RTF1: variants seen among roughly 807,000 people sequenced by gnomAD.
RTF1 encodes the protein RNA polymerase-associated protein RTF1 homolog.
A neutral mutation model predicts 95.7 loss-of-function variants in RTF1; 10 were observed. The ratio of observed to expected loss-of-function variants is 0.10; its 90% CI spans 0.06 to 0.18. RTF1 has a LOEUF of 0.18. RTF1 is among the 10% of genes least tolerant of loss of function. The pLI is 1.00. For missense variants in RTF1, 458 were observed against 875.6 expected (o/e 0.52, Z 6.02); for synonymous variants, 305 against 311.8 (o/e 0.98, Z 0.23).
chr15:41,473,421 CA>C (rs1029499308), intron 8 of RTF1, among the ~76,000 whole-genome samples: 40 of 151,260 alleles, frequency 2.6e-4, no homozygotes, highest in African/African-American at 9.0e-4. Context: ...TGTGAGCCAC[CA>C]CGCCCGGCCC....
rs762980213 is a variant in RTF1, at chr15:41,476,466, G to A, written c.1503G>A (p.Arg501=). 50 of 1,613,696 alleles carry A rather than the reference G, an allele frequency of 3.1e-5. No individual in the cohort carries two copies. The East Asian group carries it at 1.1e-3, about 36-fold the overall frequency. ...TACAGATTGTAAAAGAGAAAGAAAG[G>A]TTCAGAAAAGCTCCACCCAACTACG... ...DIEEIVKEKE[R]FRKAPPNYAM... Residue 501 remains arginine, a synonymous_variant, in exon 12 of 18, where the codon AGG becomes AGA. Coordinates refer to ENST00000389629, the MANE Select transcript of RTF1 (RefSeq NM_015138.5).
Position 41,464,845 on chromosome 15 carries a change from A to G in RTF1, c.737A>G (p.Glu246Gly), listed in dbSNP as rs1436055002. The change falls in exon 5 of 18, where the codon GAG becomes GGG. Residue 246 changes from glutamate to glycine, a missense_variant. Glu to Gly is a moderately conservative substitution (Grantham distance 98, BLOSUM62 -2). This residue lies in a region of RTF1 where 39 missense variants were observed against 43.8 expected (regional missense o/e 0.89). Coordinates refer to ENST00000389629, the MANE Select transcript of RTF1 (RefSeq NM_015138.5). The part of the protein sequence containing the change: ...KKEKKKKQEE[E>G]QEKKKLTQIQ... Reference sequence around the variant, plus strand: ...GAAAAGAAGAAAAAGCAAGAAGAGGAGCAAGAAAAGAAAAAACTGACACAG... The same window carrying G: ...GAAAAGAAGAAAAAGCAAGAAGAGGGGCAAGAAAAGAAAAAACTGACACAG... The G allele has an allele frequency of 1.3e-6, 2 of 1,542,988 alleles. No individual in the cohort carries two copies. The highest frequency in any genetic ancestry group is 1.4e-5 in the African/African-American group (1 of 71,938).
intron 1 of RTF1, among the ~76,000 whole-genome samples, chr15:41,426,589 G>A (rs1466909244): frequency 3.4e-5 from 5 of 145,532 alleles, no homozygotes; most frequent in Non-Finnish European, 7.5e-5. Context: ...ACAAGCGTGA[G>A]CCACTGTGCC....
chr15:41,427,386 C>G (rs923185758), intron 1 of RTF1, among the ~76,000 whole-genome samples: 1 of 151,814 alleles, frequency 6.6e-6, no homozygotes, highest in Non-Finnish European at 1.5e-5. Context: ...CTCCTGACCT[C>G]GTGATCCACC....
rs908535195 is a variant in RTF1, at chr15:41,481,545, C to T, written c.*858C>T. The T allele has an allele frequency of 2.6e-5, 4 of 152,618 alleles. No homozygotes were observed. Among genetic ancestry groups the T allele is most frequent in the Admixed American group, 6.5e-5 (1 of 15,278 alleles). The allele number at this position is 152,618 out of a possible 1,614,324, so 9.5% of individuals were successfully genotyped here. On this transcript the variant is annotated 3_prime_UTR_variant, in exon 18 of 18. Coordinates refer to ENST00000389629, the MANE Select transcript of RTF1 (RefSeq NM_015138.5). ...AAAACTCCCCAGTTTAGCCCCCTGACCTGCAGGCTGTGTCCTGGCAGGTGT... is the reference window on the plus strand; with the variant it reads ...AAAACTCCCCAGTTTAGCCCCCTGATCTGCAGGCTGTGTCCTGGCAGGTGT...
At chr15:41,470,430 G>A in intron 7 of RTF1, 38 bp downstream of exon 7, 2 of 1,603,250 alleles carry the variant, frequency 1.2e-6, no homozygotes, top group Non-Finnish European at 1.7e-6. Context: ...AGGCAGGATA[G>A]GTGGGTTTTT....
chr15:41,430,656 G>C (rs898926339), intron 1 of RTF1, among the ~76,000 whole-genome samples: 1 of 151,490 alleles, frequency 6.6e-6, no homozygotes, highest in South Asian at 2.1e-4. Context: ...TGGGAGAATC[G>C]CTTGAACCTG....
intron 8 of RTF1, among the ~76,000 whole-genome samples, 185 bp downstream of exon 8, chr15:41,471,534 G>A (rs2050911667): frequency 6.6e-6 from 1 of 152,184 alleles, no homozygotes; most frequent in African/African-American, 2.4e-5. Context: ...GCCAAGAGGA[G>A]GACTTGGAGC....
rs1377707346 is a variant in RTF1 at position 41,440,521 on chromosome 15, C to T, written c.309+2090C>T. 7.6e-5 allele frequency among the ~76,000 whole-genome samples: 10 copies of T among 130,776 alleles called. No individual in the cohort carries two copies. In the East Asian group the frequency reaches 1.5e-3, roughly 20 times the overall value. 85.8% of individuals were successfully genotyped at this position (130,776 alleles called of 152,430 possible). A position where few individuals can be genotyped will look rare whatever the true frequency, so the allele number is the denominator to read the frequency against. On this transcript the variant is annotated intron_variant, in intron 2 of 17. Transcript: ENST00000389629. ...TTTTTTTTTTTTTGAGACAGAGTCT[C>T]GCTCTGTTGCCAGGCTGGAGTGCAG...
chr15:41,428,428 C>T (rs1393823679), intron 1 of RTF1, among the ~76,000 whole-genome samples: 9 of 151,080 alleles, frequency 6.0e-5, no homozygotes, highest in African/African-American at 1.7e-4. Flanking sequence ...CCACTACACC[C>T]GGCTAATTTT....
rs765782248 is a variant in RTF1 at position 41,453,012 on chromosome 15, A to G, written c.421A>G (p.Lys141Glu). 6.2e-7 allele frequency: 1 copy of G among 1,610,804 alleles called. No individual in the cohort carries two copies. Residue 141 changes from lysine (K) to glutamate (E), a missense_variant, in exon 3 of 18, where the codon AAA becomes GAA. Lys to Glu is a moderately conservative substitution (Grantham distance 56). Coordinates refer to ENST00000389629, the MANE Select transcript of RTF1 (RefSeq NM_015138.5). The stretch of plus-strand genomic sequence containing the variant: ...AACTGCCTCCTCAGGCAGTTCAGAC[A>G]AAGACAGTTCAGCTGAGAGCTCAGC... ...NKTASSGSSD[K>E]DSSAESSAPE... is the part of the protein sequence containing the mutation.
At chr15:41,463,517 G>A (rs947670556) in intron 4 of RTF1, among the ~76,000 whole-genome samples, 11 of 151,988 alleles carry the variant, frequency 7.2e-5, no homozygotes, top group Admixed American at 2.0e-4. Context: ...TCACTCTGTC[G>A]CCCAGGCTAG....
intron 1 of RTF1, among the ~76,000 whole-genome samples, chr15:41,422,934 C>T (rs1247104309): frequency 2.0e-5 from 3 of 152,090 alleles, no homozygotes; most frequent in Non-Finnish European, 1.5e-5. Flanking sequence ...CCACCACGTC[C>T]AGCTAATTTT....
chr15:41,457,624 C>A, intron 3 of RTF1, 48 bp from the exon 4 acceptor site: 1 of 1,552,692 alleles, frequency 6.4e-7, no homozygotes, highest in Non-Finnish European at 8.9e-7. Flanking sequence ...CGCTTGTGGC[C>A]TGTCTTCTGT....
intron 1 of RTF1, among the ~76,000 whole-genome samples, chr15:41,420,759 C>G (rs1242705040): frequency 1.3e-5 from 2 of 152,082 alleles, no homozygotes; most frequent in East Asian, 3.9e-4. Context: ...GGGCAGACCT[C>G]TGTGTCAGAA....
chr15:41,430,583 T>C (rs564681364), intron 1 of RTF1, among the ~76,000 whole-genome samples: 18 of 151,496 alleles, frequency 1.2e-4, no homozygotes, highest in Non-Finnish European at 2.2e-4. Context: ...CTACTAATAA[T>C]ACAAAATATT....
chr15:41,428,314 C>T (rs542809926), intron 1 of RTF1, among the ~76,000 whole-genome samples: 1 of 121,376 alleles, frequency 8.2e-6, no homozygotes, highest in African/African-American at 3.3e-5. Flanking sequence ...GTTGCCCAGG[C>T]TGGAGTGCAA....
In RTF1 at chr15:41,479,256, C is replaced by T. The variant is rs2050957929; in HGVS notation, c.1914+58C>T. On this transcript the variant is annotated intron_variant, in intron 16 of 17. Coordinates refer to ENST00000389629, the MANE Select transcript of RTF1 (RefSeq NM_015138.5). ...TGAGGCTGCTGGCTGAGATACCGAA[C>T]AAGTACCTTGTCTAGTTTGGGCTTG... 2.5e-6 allele frequency: 3 copies of T among 1,211,856 alleles called. No individual in the cohort carries two copies. The South Asian group carries it at 3.7e-5, about 15-fold the overall frequency. The allele number at this position is 1,211,856 out of a possible 1,614,324, so 75.1% of individuals were successfully genotyped here.
intron 1 of RTF1, 46 bp from the exon 2 acceptor site, chr15:41,438,275 C>A: frequency 7.6e-7 from 1 of 1,307,664 alleles, no homozygotes; most frequent in South Asian, 1.3e-5. Flanking sequence ...CTTGGATATT[C>A]TTTCTCTGTT....
Sources: allele counts gnomAD v4.1 joint callset (sites outside exome capture counted in the v4.1 genomes callset), GRCh38; gene constraint gnomAD v4.1.1; regional missense constraint gnomAD v4.1.1; transcripts MANE v1.5; gene names NCBI Gene and HGNC (gene_info 2026-07-23, HGNC 2026-07-21).